SV2C: variants seen among roughly 807,000 people sequenced by gnomAD.
The protein encoded by SV2C is solute carrier family 22 member B3.
A neutral mutation model predicts 79.7 loss-of-function variants in SV2C; 49 were observed. The observed-to-expected ratio is 0.61, with a 90% CI of 0.49 to 0.78. The LOEUF (loss-of-function observed/expected upper bound fraction) is 0.78, where lower values mean the gene tolerates loss of function less well. SV2C is among the 30% of genes least tolerant of loss of function. The pLI is 0.00. For synonymous variants in SV2C, 334 were observed against 333.2 expected (o/e 1.00, Z -0.03); for missense variants, 833 against 912.9 (o/e 0.91, Z 1.13).
intron 4 of SV2C, among the ~76,000 whole-genome samples, chr5:76,221,793 T>C (rs910314142): frequency 8.6e-4 from 131 of 152,238 alleles, no homozygotes; most frequent in Middle Eastern, 3.4e-3. Flanking sequence ...ATCTGAGCCT[T>C]ACCAGCAGAC....
At chr5:76,224,185 T>G (rs114767180) in intron 4 of SV2C, among the ~76,000 whole-genome samples, 2,958 of 152,220 alleles carry the variant, frequency 0.019, 50 homozygotes, top group African/African-American at 0.045. Context: ...TGGGATTTTT[T>G]GGGGGTTTTT....
At chr5:76,035,564 G>T in the SV2C span, among the ~76,000 whole-genome samples, 6 of 152,144 alleles carry the variant, frequency 3.9e-5, no homozygotes, top group African/African-American at 1.4e-4. Flanking sequence ...GTGGTTTTGA[G>T]TGAGATTCTT....
At chr5:76,242,330 TGGACGCG>T in intron 4 of SV2C, 1 of 1,445,048 alleles carries the variant, frequency 6.9e-7, no homozygotes, top group Non-Finnish European at 9.6e-7. Context: ...ACATAGGTGC[TGGACGCG>T]GGACGCAGCG....
chr5:76,112,792 A>G (rs1748134753), intron 1 of SV2C, among the ~76,000 whole-genome samples: 1 of 152,226 alleles, frequency 6.6e-6, no homozygotes, highest in African/African-American at 2.4e-5. Flanking sequence ...TTTGGAAAAT[A>G]CTGTTGTATG....
At chr5:75,993,741 C>T in the SV2C span, among the ~76,000 whole-genome samples, 1 of 152,032 alleles carries the variant, frequency 6.6e-6, no homozygotes, top group African/African-American at 2.4e-5. Context: ...TACCTACTGT[C>T]TTGCCTTGCA....
the SV2C span, chr5:75,920,662 G>A: frequency 3.1e-4 from 205 of 670,104 alleles, 4 homozygotes; most frequent in South Asian, 3.4e-3. Flanking sequence ...GGGAGGAACT[G>A]CCCTCACTCC....
At chr5:75,878,551 G>T in the SV2C span, among the ~76,000 whole-genome samples, 4 of 152,072 alleles carry the variant, frequency 2.6e-5, no homozygotes, top group Non-Finnish European at 4.4e-5. Flanking sequence ...AATAAACTGA[G>T]TTCAAGCCCT....
rs1344708165 is a variant in SV2C at position 76,285,300 on chromosome 5, C to T, written c.1047+5C>T. ...AGCCCACGATTCTTGTTGGAGGTAA[C>T]ACTTATTATTGCAGATACTCAGGTA... On this transcript the variant is annotated splice_donor_5th_base_variant and intron_variant, in intron 5 of 12. Transcript: ENST00000502798. 5.6e-6 allele frequency: 9 copies of T among 1,613,722 alleles called. No individual in the cohort carries two copies. Among genetic ancestry groups the T allele is most frequent in the Non-Finnish European group, 7.6e-6 (9 of 1,179,886 alleles).
At position 76,242,179 on chromosome 5, in the gene SV2C, G is replaced by A. The variant is rs1745807412; in HGVS notation, c.913+32292G>A. 12 of 1,075,332 alleles carry A rather than the reference G, an allele frequency of 1.1e-5. No homozygotes were observed. The South Asian group carries it at 1.5e-4, about 13-fold the overall frequency. 66.6% of individuals were successfully genotyped at this position (1,075,332 alleles called of 1,614,324 possible). On this transcript the variant is annotated intron_variant, in intron 4 of 12. Transcript: ENST00000502798. ...TTCTTTGCAGGGGCCTTTTAGGCGT[G>A]GGCTCTGGCTTTGGAGGAGCAGGTT... is the stretch of plus-strand genomic sequence containing the variant.
chr5:76,219,342 G>A (rs1277160588), intron 4 of SV2C, among the ~76,000 whole-genome samples: 1 of 152,108 alleles, frequency 6.6e-6, no homozygotes, highest in African/African-American at 2.4e-5. Flanking sequence ...AGAACCCTTG[G>A]CTTCCGATTT....
At chr5:76,117,673 G>A (rs1206394164) in intron 1 of SV2C, among the ~76,000 whole-genome samples, 4 of 151,922 alleles carry the variant, frequency 2.6e-5, no homozygotes, top group African/African-American at 7.3e-5. Context: ...TATAAAATGG[G>A]CATTTTAATA....
chr5:76,135,828 G>A (rs1208358424), intron 2 of SV2C, among the ~76,000 whole-genome samples: 3 of 152,114 alleles, frequency 2.0e-5, no homozygotes, highest in Non-Finnish European at 2.9e-5. Context: ...TTGTTGAGGG[G>A]GGCAGGTATG....
chr5:76,090,607 T>C (rs540671602), intron 1 of SV2C, among the ~76,000 whole-genome samples: 3 of 152,306 alleles, frequency 2.0e-5, no homozygotes, highest in African/African-American at 7.2e-5. Context: ...CTCCTATTCT[T>C]CGGTGACTGC....
chr5:76,176,275 AC>A (rs2112289634), intron 2 of SV2C, among the ~76,000 whole-genome samples: 1 of 152,216 alleles, frequency 6.6e-6, no homozygotes, highest in East Asian at 1.9e-4. Context: ...CAAATAGAAA[AC>A]CATGGTAGTG....
downstream of SV2C, among the ~76,000 whole-genome samples, chr5:76,334,361 C>T (rs1026536321): frequency 1.3e-5 from 2 of 152,050 alleles, no homozygotes; most frequent in African/African-American, 4.8e-5. Flanking sequence ...GACTTAAATG[C>T]CACATATTTG....
chr5:76,257,424 G>A (rs1322756725), intron 4 of SV2C, among the ~76,000 whole-genome samples: 1 of 117,982 alleles, frequency 8.5e-6, no homozygotes, highest in Non-Finnish European at 2.1e-5. Flanking sequence ...TGGTTTGTGT[G>A]TGGGTAATGT....
chr5:76,040,948 C>T, the SV2C span, among the ~76,000 whole-genome samples: 1 of 152,164 alleles, frequency 6.6e-6, no homozygotes, highest in African/African-American at 2.4e-5. Flanking sequence ...TTACTGGTCT[C>T]AAGGTATGTG....
the SV2C span, among the ~76,000 whole-genome samples, chr5:75,912,858 C>A: frequency 6.6e-6 from 1 of 152,194 alleles, no homozygotes; most frequent in Admixed American, 6.5e-5. Context: ...TTTTGCTTAA[C>A]AGATTTTGGT....
At chr5:76,017,775 A>G in the SV2C span, among the ~76,000 whole-genome samples, 1 of 152,196 alleles carries the variant, frequency 6.6e-6, no homozygotes, top group South Asian at 2.1e-4. Context: ...ACCTCCCTCA[A>G]ATTGACTTGC....
Sources: allele counts gnomAD v4.1 joint callset (sites outside exome capture counted in the v4.1 genomes callset), GRCh38; gene constraint gnomAD v4.1.1; transcripts MANE v1.5; gene names NCBI Gene and HGNC (gene_info 2026-07-23, HGNC 2026-07-21).